NLGN1: variants seen among roughly 807,000 people sequenced by gnomAD.
NLGN1 encodes neuroligin-1.
A neutral mutation model predicts 65.5 loss-of-function variants in NLGN1; 12 were observed. The ratio of observed to expected loss-of-function variants is 0.18; its 90% CI spans 0.12 to 0.30. NLGN1 has a LOEUF of 0.30. Ranked by LOEUF, NLGN1 falls within the 10% of genes least tolerant of loss-of-function variation. The pLI, the probability that NLGN1 is intolerant of heterozygous loss-of-function variation, is 1.00. For synonymous variants in NLGN1, 350 were observed against 359.5 expected, an observed-to-expected ratio of 0.97 and a Z score of 0.30; for missense variants, 750 against 1,007.1, an observed-to-expected ratio of 0.74 and a Z score of 3.46.
intron 3 of NLGN1, among the ~76,000 whole-genome samples, chr3:173,757,211 A>T (rs908247449): frequency 1.3e-5 from 2 of 152,062 alleles, no homozygotes; most frequent in African/African-American, 4.8e-5. Context: ...ATTGGATGAA[A>T]GGTTAATGGG....
intron 4 of NLGN1, among the ~76,000 whole-genome samples, chr3:174,056,344 T>A (rs186061568): frequency 8.2e-4 from 125 of 152,146 alleles, no homozygotes; most frequent in East Asian, 3.1e-3. Flanking sequence ...TGATTTTTTT[T>A]AAAAAAGCTT....
chr3:174,268,981 T>G (rs1748824856), intron 4 of NLGN1, among the ~76,000 whole-genome samples: 1 of 151,674 alleles, frequency 6.6e-6, no homozygotes, highest in South Asian at 2.1e-4. Flanking sequence ...TTCCAAAGGA[T>G]ACACATAAAA....
chr3:173,679,126 G>GAA (rs11316391), intron 3 of NLGN1, among the ~76,000 whole-genome samples: 5 of 137,244 alleles, frequency 3.6e-5, no homozygotes, highest in African/African-American at 8.0e-5. Context: ...GCCCCGATGT[G>GAA]AAAAAAAAAA....
chr3:173,748,716 C>T (rs1303213786), intron 3 of NLGN1, among the ~76,000 whole-genome samples: 1 of 152,050 alleles, frequency 6.6e-6, no homozygotes, highest in Non-Finnish European at 1.5e-5. Context: ...GACTTTTCAT[C>T]TGGAGTATTC....
At chr3:173,705,932 A>C (rs186648389) in intron 3 of NLGN1, among the ~76,000 whole-genome samples, 3 of 152,320 alleles carry the variant, frequency 2.0e-5, no homozygotes, top group Admixed American at 6.5e-5. Context: ...AAAATTCTAA[A>C]TAAGGTTGAG....
At chr3:174,255,313 G>A (rs1440581437) in intron 4 of NLGN1, among the ~76,000 whole-genome samples, 2 of 151,626 alleles carry the variant, frequency 1.3e-5, no homozygotes, top group East Asian at 3.9e-4. Flanking sequence ...CGGGCACCTT[G>A]TAGTCCCAGT....
intron 3 of NLGN1, among the ~76,000 whole-genome samples, chr3:173,736,794 A>G (rs1396356179): frequency 6.6e-6 from 1 of 152,080 alleles, no homozygotes; most frequent in East Asian, 1.9e-4. Flanking sequence ...GTAGAAATAT[A>G]TATTTATATT....
At chr3:173,583,542 C>G (rs1320465075) in intron 2 of NLGN1, among the ~76,000 whole-genome samples, 1 of 152,174 alleles carries the variant, frequency 6.6e-6, no homozygotes, top group Non-Finnish European at 1.5e-5. Flanking sequence ...GTGTCTTGGA[C>G]TGCTTGCAGC....
intron 4 of NLGN1, among the ~76,000 whole-genome samples, chr3:174,239,617 C>A (rs1742423593): frequency 1.3e-5 from 2 of 152,044 alleles, no homozygotes; most frequent in South Asian, 4.2e-4. Flanking sequence ...TTTTTTAAAT[C>A]CTGGATAAAA....
At chr3:174,111,306 T>C (rs1174373141) in intron 4 of NLGN1, among the ~76,000 whole-genome samples, 1 of 151,892 alleles carries the variant, frequency 6.6e-6, no homozygotes, top group Non-Finnish European at 1.5e-5. Context: ...TTAATTCTTA[T>C]CTGAATTGAT....
At chr3:174,247,031 A>G (rs536324781) in intron 4 of NLGN1, among the ~76,000 whole-genome samples, 59 of 152,344 alleles carry the variant, frequency 3.9e-4, no homozygotes, top group African/African-American at 1.2e-3. Context: ...CATAGAGCCT[A>G]TATAATTGGA....
At chr3:173,882,534 C>T (rs1299847947) in intron 4 of NLGN1, among the ~76,000 whole-genome samples, 1 of 152,220 alleles carries the variant, frequency 6.6e-6, no homozygotes, top group Non-Finnish European at 1.5e-5. Context: ...GCATTTCCTG[C>T]TTCACATTGC....
chr3:173,977,097 ACACACACACG>A (rs1405485379), intron 4 of NLGN1, among the ~76,000 whole-genome samples: 1 of 145,428 alleles, frequency 6.9e-6, no homozygotes, highest in Non-Finnish European at 1.5e-5. Context: ...AAAGATACAC[ACACACACACG>A]CACACACACA....
chr3:173,982,874 G>T (rs1719071572), intron 4 of NLGN1, among the ~76,000 whole-genome samples: 1 of 152,102 alleles, frequency 6.6e-6, no homozygotes, highest in Non-Finnish European at 1.5e-5. Context: ...GTGCCAACAT[G>T]AAGCATCTCC....
rs371255229 is a variant in NLGN1, at chr3:173,568,675, CTT to C, written c.-320-35599_-320-35598del. 3.1e-4 allele frequency among the ~76,000 whole-genome samples: 47 copies of C among 151,764 alleles called. No individual in the cohort carries two copies. In the East Asian group the frequency reaches 5.7e-3, roughly 18 times the overall value. ...TCAGGAGGGAAAGGAGTGTCTAGGA[CTT>C]TTTTGTTTGTTTGTTTGAGATGGAA... On this transcript the variant is annotated intron_variant, in intron 2 of 6. Transcript: ENST00000457714.
intron 2 of NLGN1, among the ~76,000 whole-genome samples, chr3:173,456,208 A>G (rs1722492782): frequency 6.6e-6 from 1 of 152,210 alleles, no homozygotes. Flanking sequence ...TCATAAATAA[A>G]TATAAATGAT....
chr3:173,443,334 C>T (rs948301558), intron 2 of NLGN1, among the ~76,000 whole-genome samples: 2 of 93,242 alleles, frequency 2.1e-5, no homozygotes, highest in African/African-American at 5.6e-5. Flanking sequence ...TATATATATA[C>T]ACTATGACTA....
At chr3:173,778,975 G>A (rs1780726296) in intron 3 of NLGN1, among the ~76,000 whole-genome samples, 1 of 150,820 alleles carries the variant, frequency 6.6e-6, no homozygotes, top group Non-Finnish European at 1.5e-5. Flanking sequence ...TGTATTCCTG[G>A]TATAATAAAC....
At chr3:173,798,515 G>C (rs144667104) in intron 3 of NLGN1, among the ~76,000 whole-genome samples, 1 of 152,060 alleles carries the variant, frequency 6.6e-6, no homozygotes. Context: ...ATGTAGCTAT[G>C]TTGTTGCATG....
Sources: allele counts gnomAD v4.1 joint callset (sites outside exome capture counted in the v4.1 genomes callset), GRCh38; gene constraint gnomAD v4.1.1; transcripts MANE v1.5; gene names NCBI Gene and HGNC (gene_info 2026-07-23, HGNC 2026-07-21).